Variants in GRM7 observed in about 807,000 individuals in gnomAD.
GRM7 encodes the protein metabotropic glutamate receptor 7.
Under a neutral mutation model 84.5 loss-of-function variants are expected in GRM7, and 35 were observed. The observed-to-expected ratio is 0.41, with a 90% CI of 0.32 to 0.55. GRM7 has a LOEUF of 0.55. Among genes scored for constraint, GRM7 ranks in the 20% least tolerant of loss-of-function variants. The pLI is 0.19. For synonymous variants in GRM7, 487 were observed against 455.1 expected, an observed-to-expected ratio of 1.07 and a Z score of -0.89; for missense variants, 1,003 against 1,194.6, an observed-to-expected ratio of 0.84 and a Z score of 2.36.
intron 2 of GRM7, among the ~76,000 whole-genome samples, chr3:7,158,940 T>G (rs1694538826): frequency 6.6e-6 from 1 of 152,206 alleles, no homozygotes; most frequent in African/African-American, 2.4e-5. Flanking sequence ...TATATAATGT[T>G]AATGCTAGGT....
intron 8 of GRM7, among the ~76,000 whole-genome samples, chr3:7,632,186 G>A (rs1697886690): frequency 6.6e-6 from 1 of 152,094 alleles, no homozygotes; most frequent in Non-Finnish European, 1.5e-5. Flanking sequence ...TAGGGAGTGT[G>A]GATTTTATCA....
chr3:7,312,936 CTTTTTT>C (rs372557190), intron 4 of GRM7, among the ~76,000 whole-genome samples: 2 of 127,260 alleles, frequency 1.6e-5, no homozygotes, highest in African/African-American at 5.7e-5. Context: ...TTCTTTTTTT[CTTTTTT>C]TTTTTTTTTT....
At chr3:7,309,228 C>T (rs886619586) in intron 4 of GRM7, among the ~76,000 whole-genome samples, 11 of 152,268 alleles carry the variant, frequency 7.2e-5, no homozygotes, top group African/African-American at 2.4e-4. Context: ...TATGCATTTA[C>T]AGTGTCACTT....
chr3:7,193,588 C>A (rs1695785499), intron 2 of GRM7, among the ~76,000 whole-genome samples: 1 of 151,988 alleles, frequency 6.6e-6, no homozygotes, highest in South Asian at 2.1e-4. Flanking sequence ...GCATGAACAT[C>A]ACATCCTTTA....
At chr3:7,517,742 G>T (rs1012131030) in intron 7 of GRM7, among the ~76,000 whole-genome samples, 1 of 152,048 alleles carries the variant, frequency 6.6e-6, no homozygotes, top group Non-Finnish European at 1.5e-5. Context: ...GGTCTTATCC[G>T]GGCCAGGTAT....
At chr3:7,283,995 G>A (rs950704430) in intron 2 of GRM7, among the ~76,000 whole-genome samples, 3 of 152,142 alleles carry the variant, frequency 2.0e-5, no homozygotes, top group Non-Finnish European at 4.4e-5. Context: ...CAAAGTGACA[G>A]TTCAAATATA....
intron 2 of GRM7, among the ~76,000 whole-genome samples, chr3:7,169,611 G>A (rs905231926): frequency 1.3e-5 from 2 of 152,180 alleles, no homozygotes; most frequent in Admixed American, 6.5e-5. Flanking sequence ...CAGGTAAAAC[G>A]ATAAGTTAGC....
At chr3:7,032,302 T>A (rs1228440383) in intron 1 of GRM7, among the ~76,000 whole-genome samples, 1 of 152,232 alleles carries the variant, frequency 6.6e-6, no homozygotes, top group Non-Finnish European at 1.5e-5. Context: ...TGTTCTTATA[T>A]GCTCTGACAT....
chr3:6,994,001 G>T (rs1413844433), intron 1 of GRM7, among the ~76,000 whole-genome samples: 1 of 152,110 alleles, frequency 6.6e-6, no homozygotes, highest in Non-Finnish European at 1.5e-5. Flanking sequence ...AAAGAGATTA[G>T]AGTTGCCAAA....
At chr3:7,639,984 CAATT>C (rs1220801177) in intron 8 of GRM7, among the ~76,000 whole-genome samples, 1 of 152,092 alleles carries the variant, frequency 6.6e-6, no homozygotes, top group Non-Finnish European at 1.5e-5. Context: ...TAATTATACT[CAATT>C]TATTTTTTGA....
chr3:7,182,039 C>T (rs1211221921), intron 2 of GRM7, among the ~76,000 whole-genome samples: 1 of 152,126 alleles, frequency 6.6e-6, no homozygotes, highest in Non-Finnish European at 1.5e-5. Context: ...TTTTCAAGTT[C>T]AAGGCTAAAG....
chr3:7,075,180 G>GT (rs1162603012), intron 1 of GRM7, among the ~76,000 whole-genome samples: 1 of 152,184 alleles, frequency 6.6e-6, no homozygotes, highest in Non-Finnish European at 1.5e-5. Flanking sequence ...TTCTACAGTA[G>GT]TTTACAGTGA....
chr3:7,620,297 GAATTT>G (rs532232594), intron 8 of GRM7, among the ~76,000 whole-genome samples: 1 of 152,014 alleles, frequency 6.6e-6, no homozygotes, highest in African/African-American at 2.4e-5. Flanking sequence ...TGTTTATCTG[GAATTT>G]AATTTAATGG....
At chr3:7,334,893 G>A (rs1327386520) in intron 4 of GRM7, among the ~76,000 whole-genome samples, 3 of 151,946 alleles carry the variant, frequency 2.0e-5, no homozygotes, top group Non-Finnish European at 4.4e-5. Context: ...ACCTAACACT[G>A]GAGCTCCCAA....
intron 9 of GRM7, among the ~76,000 whole-genome samples, chr3:7,687,567 T>C (rs182547027): frequency 2.6e-4 from 39 of 152,244 alleles, no homozygotes; most frequent in African/African-American, 8.7e-4. Context: ...ATTGTACTCA[T>C]ATAATAGAGA....
chr3:7,087,889 C>T (rs1341839875), intron 1 of GRM7, among the ~76,000 whole-genome samples: 1 of 152,174 alleles, frequency 6.6e-6, no homozygotes, highest in African/African-American at 2.4e-5. Flanking sequence ...GCATTGCCAT[C>T]TTTGTCTAAT....
In GRM7 at chr3:7,140,052, A is replaced by G. The variant is rs1286438117; in HGVS notation, c.520-6400A>G. Among the ~76,000 whole-genome samples the G allele has an allele frequency of 1.3e-5, 2 of 152,080 alleles. 1 individual carries two copies. Among genetic ancestry groups the G allele is most frequent in the Admixed American group, 1.3e-4 (2 of 15,244 alleles). On this transcript the variant is annotated intron_variant, in intron 1 of 9. Transcript: ENST00000357716. ...AGACCTACAAATGGCCAACAGGTAC[A>G]TGGAAAGGTGCACAACAGCAAGGAA... is the stretch of plus-strand genomic sequence containing the variant.
chr3:7,516,197 C>T (rs1372783699), intron 7 of GRM7, among the ~76,000 whole-genome samples: 1 of 136,990 alleles, frequency 7.3e-6, no homozygotes, highest in African/African-American at 2.7e-5. Context: ...AAGGGCTGGG[C>T]ACGGTGGCTC....
chr3:7,467,773 C>G (rs191123666), intron 7 of GRM7, among the ~76,000 whole-genome samples: 1 of 152,010 alleles, frequency 6.6e-6, no homozygotes, highest in Non-Finnish European at 1.5e-5. Context: ...CATACTCTTT[C>G]TTTACAATCT....
Sources: gnomAD v4.1 joint callset for allele counts (sites outside exome capture counted in the v4.1 genomes callset) on GRCh38, gnomAD v4.1.1 for gene constraint, MANE v1.5 for transcripts, NCBI Gene and HGNC (gene_info 2026-07-23, HGNC 2026-07-21) for gene names.